The following MAEL variants were observed in gnomAD, a reference collection of about 807,000 sequenced individuals.
The protein encoded by MAEL is maelstrom spermatogenic transposon silencer.
Under a neutral mutation model 62.0 loss-of-function variants are expected in MAEL, and 46 were observed. The observed-to-expected ratio is 0.74, with a 90% CI of 0.59 to 0.95. The LOEUF is 0.95. Ranked by LOEUF, MAEL falls within the 40% of genes least tolerant of loss-of-function variation. The pLI, the probability that MAEL is intolerant of heterozygous loss-of-function variation, is 0.00. For synonymous variants in MAEL, 172 were observed against 175.5 expected (o/e 0.98, Z 0.16); for missense variants, 497 against 526.8 (o/e 0.94, Z 0.55).
At chr1:167,010,894 C>A (rs1665145342) in intron 8 of MAEL, among the ~76,000 whole-genome samples, 1 of 152,146 alleles carries the variant, frequency 6.6e-6, no homozygotes, top group Non-Finnish European at 1.5e-5. Context: ...TCCTCTCTGT[C>A]AATGTGACAA....
rs762831591 is a variant in MAEL at position 166,991,429 on chromosome 1, A to C, written c.277A>C (p.Asn93His). The C allele has an allele frequency of 1.2e-6, 2 of 1,613,602 alleles. No homozygotes were observed. The highest frequency in any genetic ancestry group is 8.5e-7 in the Non-Finnish European group (1 of 1,179,600). ...GCCAGGCATGCTTGTACCAAAGCAG[A>C]ATGTTTCACCTCCAGATATGTCAGC... ...RRPGMLVPKQ[N>H]VSPPDMSALS... Residue 93 changes from asparagine to histidine, a missense_variant, in exon 3 of 12, where the codon AAT (asparagine) becomes CAT (histidine). Physicochemically the swap from Asn to His is moderately conservative, Grantham distance 68. Coordinates refer to ENST00000367872, the MANE Select transcript of MAEL (RefSeq NM_032858.3).
intron 1 of MAEL, among the ~76,000 whole-genome samples, chr1:166,978,180 T>A (rs1663651650): frequency 6.6e-6 from 1 of 152,150 alleles, no homozygotes; most frequent in Admixed American, 6.5e-5. Context: ...GCCTTGTCCA[T>A]CATCCCAGAA....
chr1:167,017,743 CTTTT>C (rs1287775835), intron 9 of MAEL, 80 bp from the exon 10 acceptor site: 31 of 1,339,042 alleles, frequency 2.3e-5, no homozygotes, highest in Admixed American at 2.2e-5. Context: ...CAGATGCTTT[CTTTT>C]TGTTAGAGAT....
At chr1:166,978,640 C>T (rs1557966303) in intron 1 of MAEL, among the ~76,000 whole-genome samples, 1 of 152,112 alleles carries the variant, frequency 6.6e-6, no homozygotes, top group Non-Finnish European at 1.5e-5. Flanking sequence ...AACCACTTTC[C>T]CCAGGTGCTT....
At chr1:167,000,511 T>C (rs890552317) in intron 5 of MAEL, among the ~76,000 whole-genome samples, 1 of 152,240 alleles carries the variant, frequency 6.6e-6, no homozygotes, top group Non-Finnish European at 1.5e-5. Flanking sequence ...GAAGATGCTG[T>C]GAACACTGGT....
Position 167,017,930 on chromosome 1 carries a change from A to G in MAEL, c.1012A>G (p.Met338Val), listed in dbSNP as rs1480511859. The stretch of plus-strand genomic sequence containing the variant: ...GGCCAGCAATAGTGTGACACCCAAA[A>G]TGGTTGTATTGGATGCAGGGCGTTA... ...YEASNSVTPK[M>V]VVLDAGRYQK... Residue 338 changes from methionine to valine, a missense_variant, in exon 10 of 12, where the codon ATG becomes GTG. Coordinates refer to ENST00000367872, the MANE Select transcript of MAEL (RefSeq NM_032858.3). 1 of 1,613,114 alleles carries G rather than the reference A, an allele frequency of 6.2e-7. No individual in the cohort carries two copies. Among genetic ancestry groups the G allele is most frequent in the African/African-American group, 1.3e-5 (1 of 74,866 alleles).
In MAEL at chr1:166,996,988, G is replaced by A. The variant is rs554118921; in HGVS notation, c.523+2919G>A. Among the ~76,000 whole-genome samples, 6 of 152,248 alleles carry A rather than the reference G, an allele frequency of 3.9e-5. No homozygotes were observed. In the East Asian group the frequency reaches 9.7e-4, roughly 25 times the overall value. On this transcript the variant is annotated intron_variant, in intron 5 of 11. Transcript: ENST00000367872. ...ATTACAGGTGTGCATCACCATGCCC[G>A]GCTAATTTTTTGTATCTTTAGTAGA...
At chr1:166,982,205 T>G (rs1401461155) in intron 1 of MAEL, among the ~76,000 whole-genome samples, 3 of 152,182 alleles carry the variant, frequency 2.0e-5, no homozygotes, top group Non-Finnish European at 4.4e-5. Flanking sequence ...ACTCAGAAAT[T>G]TATCACTTAA....
upstream of MAEL, among the ~76,000 whole-genome samples, chr1:166,985,452 C>A (rs1458304862): frequency 2.0e-5 from 3 of 152,194 alleles, no homozygotes; most frequent in East Asian, 3.8e-4. Context: ...TTACAAGTAA[C>A]CATCCTTGGA....
At chr1:166,979,391 C>A (rs10918604) in intron 1 of MAEL, among the ~76,000 whole-genome samples, 6,795 of 150,882 alleles carry the variant, frequency 0.045, 543 homozygotes, top group East Asian at 0.34. Flanking sequence ...AACCAAGGAA[C>A]TAAAAAAACT....
At chr1:166,991,848 A>G (rs1005929198) in intron 3 of MAEL, among the ~76,000 whole-genome samples, 3 of 152,206 alleles carry the variant, frequency 2.0e-5, no homozygotes, top group African/African-American at 7.2e-5. Context: ...GTATGTTTCA[A>G]AATTGGTAAG....
At position 167,004,218 on chromosome 1, in the gene MAEL, C is replaced by A. The variant is rs780212800; in HGVS notation, c.562C>A (p.Arg188Ser). ...CAAGATTCCTATTTCAAATTTTGAA[C>A]GTGGGCATAACCAAGCAACTGTGTT... ...SHKIPISNFE[R>S]GHNQATVLQN... Residue 188 changes from arginine (R) to serine (S), a missense_variant, in exon 6 of 12, where the codon CGT (arginine) becomes AGT (serine). By Grantham distance (110) the Arg-to-Ser change is moderately radical (BLOSUM62 -1). Transcript: ENST00000367872. The A allele has an allele frequency of 6.2e-7, 1 of 1,608,978 alleles. No homozygotes were observed. The highest frequency in any genetic ancestry group is 8.5e-7 in the Non-Finnish European group (1 of 1,177,542).
intron 1 of MAEL, among the ~76,000 whole-genome samples, chr1:166,980,482 T>C (rs950844330): frequency 2.0e-5 from 3 of 152,154 alleles, no homozygotes; most frequent in African/African-American, 7.2e-5. Context: ...GTGACAGGTG[T>C]TTTGTCAGGC....
chr1:167,003,686 A>G (rs554731898), intron 5 of MAEL, among the ~76,000 whole-genome samples: 2 of 152,332 alleles, frequency 1.3e-5, no homozygotes, highest in South Asian at 4.1e-4. Flanking sequence ...TTAATGCTCT[A>G]TGTGATCTTA....
At chr1:166,989,049 A>C (rs1165946360), upstream of MAEL, 1 of 372,248 alleles carries the variant, frequency 2.7e-6, no homozygotes, top group East Asian at 5.3e-5. Context: ...AATAATGTAC[A>C]GAAATTGCTC....
intron 5 of MAEL, 83 bp downstream of exon 5, chr1:166,994,152 T>A: frequency 8.2e-7 from 1 of 1,215,930 alleles, no homozygotes. Flanking sequence ...ACACAAACTA[T>A]AAAATAAGAG....
In MAEL at chr1:166,975,923, G is replaced by A. The variant is rs114920766; in HGVS notation, c.-121+257G>A. ...CAGCGGCGAGGGTGGGGGACGGCGG[G>A]GACTTGGCGTAACTTCTTACAGGAC... On this transcript the variant is annotated intron_variant, in intron 1 of 12. Coordinates refer to the MAEL transcript ENST00000622874. Among the ~76,000 whole-genome samples, 672 of 152,202 alleles carry A rather than the reference G, an allele frequency of 4.4e-3. 8 individuals are homozygous for A. The highest frequency in any genetic ancestry group is 0.015 in the African/African-American group (643 of 41,540).
rs773121725 is a variant in MAEL, at chr1:166,989,315, T to G, written c.-38T>G. The G allele has an allele frequency of 1.1e-5, 17 of 1,596,916 alleles. No individual in the cohort carries two copies. The African/African-American group carries it at 1.9e-4, about 18-fold the overall frequency. ...GGAGCCCGGCGAGGGCGCCGGTGCT[T>G]TGTTCTGTCTGAGGCCAGGAAGTTT... On this transcript the variant is annotated 5_prime_UTR_variant, in exon 1 of 12. Coordinates refer to ENST00000367872, the MANE Select transcript of MAEL (RefSeq NM_032858.3).
intron 1 of MAEL, among the ~76,000 whole-genome samples, chr1:166,979,962 C>T (rs1414599685): frequency 3.3e-5 from 5 of 152,148 alleles, no homozygotes; most frequent in East Asian, 1.9e-4. Flanking sequence ...AAATGAGTAA[C>T]AATGGTTATC....
Sources: allele counts gnomAD v4.1 joint callset (sites outside exome capture counted in the v4.1 genomes callset), GRCh38; gene constraint gnomAD v4.1.1; transcripts MANE v1.5; gene names NCBI Gene and HGNC (gene_info 2026-07-23, HGNC 2026-07-21).